LARGE1: variants seen among roughly 807,000 people sequenced by gnomAD.
LARGE1 encodes xylosyl- and glucuronyltransferase LARGE1.
Under a neutral mutation model 87.6 loss-of-function variants are expected in LARGE1, and 43 were observed. The ratio of observed to expected loss-of-function variants is 0.49; its 90% CI spans 0.38 to 0.63. The LOEUF (loss-of-function observed/expected upper bound fraction) is 0.63, where lower values mean the gene tolerates loss of function less well. Ranked by LOEUF, LARGE1 falls within the 30% of genes least tolerant of loss-of-function variation. LARGE1 has a pLI of 0.00. For synonymous variants in LARGE1, 434 were observed against 394.6 expected, an observed-to-expected ratio of 1.10 and a Z score of -1.18; for missense variants, 802 against 1,000.2, an observed-to-expected ratio of 0.80 and a Z score of 2.67.
At chr22:33,815,988 G>C (rs1168009032) in intron 1 of LARGE1, among the ~76,000 whole-genome samples, 2 of 152,164 alleles carry the variant, frequency 1.3e-5, no homozygotes, top group Non-Finnish European at 2.9e-5. Flanking sequence ...ACCCTCCTGA[G>C]TCCAATTATC....
At chr22:33,704,589 T>C (rs1300144416) in intron 2 of LARGE1, among the ~76,000 whole-genome samples, 1 of 152,190 alleles carries the variant, frequency 6.6e-6, no homozygotes, top group Admixed American at 6.5e-5. Context: ...ACGACACTCA[T>C]CAGTGAGGCC....
At chr22:33,189,547 C>G (rs931913742) in intron 11 of LARGE1, among the ~76,000 whole-genome samples, 1 of 152,158 alleles carries the variant, frequency 6.6e-6, no homozygotes, top group African/African-American at 2.4e-5. Flanking sequence ...AAGGGATAAC[C>G]ACATGACCTC....
In LARGE1 at chr22:33,673,548, G is replaced by GT. The variant is rs752112625; in HGVS notation, c.107-22881dup. On this transcript the variant is annotated intron_variant, in intron 2 of 14. Transcript: ENST00000397394. ...CGTGGTAAAATATACGTAACATAAAGTTGACCATCTTTACCATTTGAAGTG... is the reference window on the plus strand; with the variant it reads ...CGTGGTAAAATATACGTAACATAAAGTTTGACCATCTTTACCATTTGAAGTG... Among the ~76,000 whole-genome samples, 14 of 152,298 alleles carry GT rather than the reference G, an allele frequency of 9.2e-5. No individual in the cohort carries two copies. In the South Asian group the frequency reaches 2.5e-3, roughly 27 times the overall value.
At chr22:33,357,284 A>G (rs1940982318) in intron 9 of LARGE1, among the ~76,000 whole-genome samples, 1 of 150,982 alleles carries the variant, frequency 6.6e-6, no homozygotes, top group African/African-American at 2.4e-5. Flanking sequence ...TCTCATTTTA[A>G]GTGGGAGCTA....
intron 3 of LARGE1, among the ~76,000 whole-genome samples, chr22:33,627,255 T>G (rs897711218): frequency 1.6e-4 from 24 of 152,336 alleles, no homozygotes; most frequent in South Asian, 6.2e-4. Flanking sequence ...ATTTTCTATG[T>G]GTGGCACAAC....
At chr22:33,825,603 T>C (rs1237932215) in intron 1 of LARGE1, among the ~76,000 whole-genome samples, 1 of 152,144 alleles carries the variant, frequency 6.6e-6, no homozygotes, top group South Asian at 2.1e-4. Flanking sequence ...ACTCACTCAC[T>C]GTCACCACTA....
intron 2 of LARGE1, among the ~76,000 whole-genome samples, chr22:33,722,343 A>T (rs1256610431): frequency 2.4e-5 from 3 of 124,786 alleles, no homozygotes; most frequent in Non-Finnish European, 5.2e-5. Context: ...GAGGGAGAGG[A>T]GAGGAGGGAG....
chr22:33,305,882 C>T (rs976373265), intron 11 of LARGE1, among the ~76,000 whole-genome samples: 9 of 142,610 alleles, frequency 6.3e-5, no homozygotes, highest in African/African-American at 2.6e-4. Context: ...GCTCTGTTGC[C>T]CAGGATGGTG....
intron 2 of LARGE1, among the ~76,000 whole-genome samples, chr22:33,683,022 G>A (rs926826272): frequency 7.2e-5 from 11 of 152,210 alleles, no homozygotes; most frequent in African/African-American, 2.7e-4. Context: ...TCTCCTATAT[G>A]ACAAGAATTG....
rs191406600 is a variant in LARGE1 at position 33,694,541 on chromosome 22, T to C, written c.107-43873A>G. On this transcript the variant is annotated intron_variant, in intron 2 of 14. Coordinates refer to ENST00000397394, the MANE Select transcript of LARGE1 (RefSeq NM_133642.5). ...CTTTGTGTGGCAGAATCTGGTGGAATATTTTTTTTTTCATCACAATATGTT... is the reference window on the plus strand; with the variant it reads ...CTTTGTGTGGCAGAATCTGGTGGAACATTTTTTTTTTCATCACAATATGTT... 5.2e-4 allele frequency among the ~76,000 whole-genome samples: 79 copies of C among 152,226 alleles called. 2 individuals carry two copies. The East Asian group carries it at 0.013, about 26-fold the overall frequency.
intron 5 of LARGE1, among the ~76,000 whole-genome samples, chr22:33,567,497 G>A (rs952305777): frequency 2.6e-5 from 4 of 152,158 alleles, no homozygotes; most frequent in Admixed American, 6.5e-5. Context: ...GTAGATTCAG[G>A]CATGCCTGGA....
At chr22:33,719,059 G>A (rs1317307123) in intron 2 of LARGE1, among the ~76,000 whole-genome samples, 1 of 152,080 alleles carries the variant, frequency 6.6e-6, no homozygotes, top group Non-Finnish European at 1.5e-5. Context: ...AAAGTGCTGG[G>A]ATTACAGCCA....
chr22:33,519,231 C>CGT (rs769245398), intron 6 of LARGE1, among the ~76,000 whole-genome samples: 14 of 134,630 alleles, frequency 1.0e-4, no homozygotes, highest in South Asian at 2.5e-4. Flanking sequence ...CGTGCGTGCG[C>CGT]GCGCGTGTGT....
chr22:33,535,856 G>A (rs755732186), intron 6 of LARGE1, among the ~76,000 whole-genome samples: 2 of 152,106 alleles, frequency 1.3e-5, no homozygotes, highest in Non-Finnish European at 2.9e-5. Flanking sequence ...GAAATTTGCC[G>A]GCAACCCTTG....
At chr22:33,615,373 G>T (rs1026552445) in intron 4 of LARGE1, among the ~76,000 whole-genome samples, 2 of 152,168 alleles carry the variant, frequency 1.3e-5, no homozygotes, top group African/African-American at 4.8e-5. Context: ...GTTAGGTACA[G>T]AGGCACTTAG....
At position 33,457,432 on chromosome 22, in the gene LARGE1, T is replaced by C. The variant is rs907742097; in HGVS notation, c.788-25167A>G. Among the ~76,000 whole-genome samples the C allele has an allele frequency of 7.3e-5, 11 of 151,346 alleles. No individual in the cohort carries two copies. In the South Asian group the frequency reaches 8.3e-4, roughly 11 times the overall value. ...CAGGGCTCCCAAAGTGCTGGGATTA[T>C]AGGTGTAAGCCACCAAGCCCGGCCT... On this transcript the variant is annotated intron_variant, in intron 6 of 14. Transcript: ENST00000397394.
chr22:33,659,333 G>C (rs552244347), intron 2 of LARGE1, among the ~76,000 whole-genome samples: 96 of 152,216 alleles, frequency 6.3e-4, no homozygotes, highest in South Asian at 2.1e-3. Flanking sequence ...AATATCATTT[G>C]ATATTTCAAA....
the LARGE1 span, among the ~76,000 whole-genome samples, chr22:33,135,045 G>C: frequency 6.6e-6 from 1 of 152,190 alleles, no homozygotes; most frequent in Non-Finnish European, 1.5e-5. Context: ...CAGGAGAAGA[G>C]CAGGATTGAA....
At chr22:33,698,200 G>A (rs557874882) in intron 2 of LARGE1, among the ~76,000 whole-genome samples, 2 of 152,134 alleles carry the variant, frequency 1.3e-5, no homozygotes, top group South Asian at 4.1e-4. Context: ...AGGCTGCCGA[G>A]TAGCTGAGAG....
Sources: allele counts gnomAD v4.1 joint callset (sites outside exome capture counted in the v4.1 genomes callset), GRCh38; gene constraint gnomAD v4.1.1; transcripts MANE v1.5; gene names NCBI Gene and HGNC (gene_info 2026-07-23, HGNC 2026-07-21).